Variants in DCBLD2 observed in about 807,000 individuals in gnomAD.
DCBLD2 encodes discoidin, CUB and LCCL domain containing 2.
Under a neutral mutation model 86.8 loss-of-function variants are expected in DCBLD2, and 54 were observed. The observed-to-expected ratio is 0.62, with a 90% CI of 0.50 to 0.78. The LOEUF (loss-of-function observed/expected upper bound fraction) is 0.78. DCBLD2 is among the 30% of genes least tolerant of loss of function. The pLI is 0.00. For missense variants in DCBLD2, 908 were observed against 954.2 expected, an observed-to-expected ratio of 0.95 and a Z score of 0.64; for synonymous variants, 354 against 341.3, an observed-to-expected ratio of 1.04 and a Z score of -0.41.
intron 9 of DCBLD2, chr3:98,815,122 G>A (rs1370712721): frequency 2.0e-5 from 3 of 152,094 alleles, no homozygotes; most frequent in Non-Finnish European, 4.4e-5. Context: ...GAGAGAGAGA[G>A]AGAGAGACAC....
intron 1 of DCBLD2, chr3:98,890,553 C>A (rs1453422063): frequency 6.6e-6 from 1 of 152,084 alleles, no homozygotes; most frequent in Non-Finnish European, 1.5e-5. Context: ...AAACTCTTCA[C>A]TAAAGCAGTC....
At chr3:98,870,744 A>T (rs1185208330) in intron 2 of DCBLD2, among the ~76,000 whole-genome samples, 1 of 81,956 alleles carries the variant, frequency 1.2e-5, no homozygotes, top group Non-Finnish European at 2.6e-5. Context: ...AGAAAAAGAA[A>T]GAAAGAAAGA....
chr3:98,815,116 G>A (rs1941998641), intron 9 of DCBLD2: 1 of 152,130 alleles, frequency 6.6e-6, no homozygotes, highest in Non-Finnish European at 1.5e-5. Flanking sequence ...GTGAGTGAGA[G>A]AGAGAGAGAG....
At chr3:98,889,243 G>A (rs1177494847) in intron 1 of DCBLD2, among the ~76,000 whole-genome samples, 1 of 152,000 alleles carries the variant, frequency 6.6e-6, no homozygotes, top group African/African-American at 2.4e-5. Context: ...GGAGATGAGT[G>A]TCATCAGATA....
chr3:98,836,705 CGGCTGGCCGGGCGGGGG>C (rs1559779590), intron 3 of DCBLD2, among the ~76,000 whole-genome samples: 1 of 78,722 alleles, frequency 1.3e-5, no homozygotes, highest in Non-Finnish European at 2.9e-5. Flanking sequence ...CCGGACGGGG[CGGCTGGCCGGGCGGGGG>C]GGCTGACCCC....
intron 4 of DCBLD2, among the ~76,000 whole-genome samples, chr3:98,823,090 C>T (rs1942153551): frequency 6.6e-6 from 1 of 152,130 alleles, no homozygotes; most frequent in African/African-American, 2.4e-5. Context: ...CCAGGCTGGT[C>T]TCAAACTCCT....
At chr3:98,836,714 G>A (rs1386117873) in intron 3 of DCBLD2, among the ~76,000 whole-genome samples, 5 of 50,608 alleles carry the variant, frequency 9.9e-5, no homozygotes, top group South Asian at 8.3e-4. Flanking sequence ...GCGGCTGGCC[G>A]GGCGGGGGGG....
chr3:98,834,142 CTT>C (rs10588325), intron 3 of DCBLD2, among the ~76,000 whole-genome samples: 79,526 of 125,042 alleles, frequency 0.64, 23,973 homozygotes, highest in East Asian at 0.84. Context: ...GAGTTGTTTT[CTT>C]TTTTTTTTTT....
At chr3:98,819,953 C>T (rs1942088754) in intron 7 of DCBLD2, among the ~76,000 whole-genome samples, 1 of 152,294 alleles carries the variant, frequency 6.6e-6, no homozygotes, top group East Asian at 1.9e-4. Flanking sequence ...ATGCCTGGCA[C>T]ATAAAGAGAA....
chr3:98,838,065 C>G, intron 3 of DCBLD2, among the ~76,000 whole-genome samples: 1 of 135,336 alleles, frequency 7.4e-6, no homozygotes, highest in African/African-American at 2.7e-5. Context: ...CCACCTCCCT[C>G]CCGGACGGCA....
At chr3:98,820,900 A>G (rs1224735339) in intron 6 of DCBLD2, 1 of 151,304 alleles carries the variant, frequency 6.6e-6, no homozygotes, top group Non-Finnish European at 1.5e-5. Context: ...TTAAAGTATG[A>G]AAGAGAGAAT....
chr3:98,886,430 G>A (rs1426716802), intron 1 of DCBLD2, among the ~76,000 whole-genome samples: 1 of 151,908 alleles, frequency 6.6e-6, no homozygotes, highest in East Asian at 1.9e-4. Context: ...GACAAAAAGA[G>A]TAAAACTACT....
In DCBLD2 at chr3:98,822,436, G is replaced by A. The variant is rs549990465; in HGVS notation, c.697-75C>T. 1.1e-5 allele frequency: 16 copies of A among 1,509,254 alleles called. 1 individual carries two copies. The East Asian group carries it at 2.7e-4, about 25-fold the overall frequency. The allele number at this position is 1,509,254 out of a possible 1,614,324, so 93.5% of individuals were successfully genotyped here. A position where few individuals can be genotyped will look rare whatever the true frequency, so the allele number is the denominator to read the frequency against. On this transcript the variant is annotated intron_variant, in intron 5 of 15. Transcript: ENST00000326840. ...TCATAAACAAGACACTCTACTTCCTGAGAAATCAGTTAATCTAGGCAGTTT... is the reference window on the plus strand; with the variant it reads ...TCATAAACAAGACACTCTACTTCCTAAGAAATCAGTTAATCTAGGCAGTTT...
intron 4 of DCBLD2, among the ~76,000 whole-genome samples, chr3:98,824,209 G>A (rs1310677311): frequency 6.6e-6 from 1 of 152,160 alleles, no homozygotes; most frequent in African/African-American, 2.4e-5. Flanking sequence ...GATTTTGGCA[G>A]CTTACATACA....
chr3:98,812,545 A>C, intron 9 of DCBLD2, 63 bp from the exon 10 acceptor site: 1 of 1,462,952 alleles, frequency 6.8e-7, no homozygotes, highest in Non-Finnish European at 9.3e-7. Context: ...AAATTTCTCC[A>C]CTTAAACATG....
At position 98,799,386 on chromosome 3, in the gene DCBLD2, T is replaced by C. The variant is rs1368167268; in HGVS notation, c.2314A>G (p.Lys772Glu). The C allele has an allele frequency of 2.5e-6, 4 of 1,606,896 alleles. No individual in the cohort carries two copies. The highest frequency in any genetic ancestry group is 3.4e-6 in the Non-Finnish European group (4 of 1,175,372). The change falls in exon 16 of 16, where the codon AAA becomes GAA. Residue 772 changes from lysine to glutamate, a missense_variant. Transcript: ENST00000326840. ...CAGCATCATCTTCAAAGGATTTCTT[T>C]AAAAACATCACATTCCCCATCCCTT... ...AGRDGECDVF[K>E]EIL is the part of the protein sequence containing the mutation.
intron 3 of DCBLD2, among the ~76,000 whole-genome samples, chr3:98,827,413 C>T (rs1242104179): frequency 3.9e-5 from 6 of 152,156 alleles, no homozygotes; most frequent in Non-Finnish European, 7.3e-5. Flanking sequence ...AAGAAGACTG[C>T]CAGCTGGCCC....
Position 98,901,242 on chromosome 3 carries a change from C to T in DCBLD2, c.85G>A (p.Ala29Thr), listed in dbSNP as rs1043546624. The change falls in exon 1 of 16, where the codon GCG (alanine) becomes ACG (threonine). Residue 29 changes from alanine to threonine, a missense_variant. Physicochemically the swap from Ala to Thr is moderately conservative, Grantham distance 58. Transcript: ENST00000326840. ...GGGAGGGAGCGGGAGAGGGGGAGCG[C>T]GGCCCAGGCGGGGGCGGCGGCCGCG... is the stretch of plus-strand genomic sequence containing the variant. Reference protein sequence around the residue: ...RAAAAAPAWAALPLSRSLPPC... With the variant: ...RAAAAAPAWATLPLSRSLPPC... The T allele has an allele frequency of 8.5e-6, 13 of 1,533,972 alleles. No homozygotes were observed. Among genetic ancestry groups the T allele is most frequent in the Non-Finnish European group, 1.1e-5 (13 of 1,146,202 alleles).
rs994526826 is a variant in DCBLD2, at chr3:98,799,520, G to A, written c.2180C>T (p.Ser727Leu). The stretch of plus-strand genomic sequence containing the variant: ...CGGGGTATCATACTGGGCCTGGGCT[G>A]AGGAGCAGCTGTCAGTCCTGGAGAG... The part of the protein sequence containing the change: ...TLLSRTDSCS[S>L]AQAQYDTPKA... Residue 727 changes from serine to leucine, a missense_variant, in exon 16 of 16, where the codon TCA (serine) becomes TTA (leucine). By Grantham distance (145) the Ser-to-Leu change is moderately radical. Coordinates refer to ENST00000326840, the MANE Select transcript of DCBLD2 (RefSeq NM_080927.4). 2.2e-5 allele frequency: 36 copies of A among 1,613,894 alleles called. No homozygotes were observed. The highest frequency in any genetic ancestry group is 2.9e-5 in the Non-Finnish European group (34 of 1,179,892).
Sources: allele counts gnomAD v4.1 joint callset (sites outside exome capture counted in the v4.1 genomes callset), GRCh38; gene constraint gnomAD v4.1.1; transcripts MANE v1.5; gene names NCBI Gene and HGNC (gene_info 2026-07-23, HGNC 2026-07-21).